The following MYH15 variants were observed in gnomAD, a reference collection of about 807,000 sequenced individuals.
The protein encoded by MYH15 is myosin heavy chain 15.
A neutral mutation model predicts 240.5 loss-of-function variants in MYH15; 227 were observed. That is an observed-to-expected ratio of 0.94 (90% CI 0.85 to 1.05). MYH15 has a LOEUF of 1.05. Ranked by LOEUF, MYH15 falls within the 50% of genes least tolerant of loss-of-function variation. The probability of loss-of-function intolerance (pLI) is 0.00; values close to 1 mark genes in which losing one functional copy is unlikely to be tolerated. For missense variants in MYH15, 2,217 were observed against 2,247.5 expected (o/e 0.99, Z 0.27); for synonymous variants, 785 against 796.7 (o/e 0.99, Z 0.25).
chr3:108,531,613 C>T (rs2083710692), upstream of MYH15, among the ~76,000 whole-genome samples: 1 of 151,850 alleles, frequency 6.6e-6, no homozygotes, highest in Non-Finnish European at 1.5e-5. Context: ...CCTGTCTCTA[C>T]TAAAAAATAC....
chr3:108,468,448 A>G (rs1176364416), intron 14 of MYH15, among the ~76,000 whole-genome samples: 1 of 152,228 alleles, frequency 6.6e-6, no homozygotes, highest in East Asian at 1.9e-4. Flanking sequence ...TTTGATCATT[A>G]ATATTTGCTA....
intron 31 of MYH15, among the ~76,000 whole-genome samples, chr3:108,408,641 T>G (rs1225662919): frequency 6.6e-6 from 1 of 152,236 alleles, no homozygotes; most frequent in Non-Finnish European, 1.5e-5. Context: ...GGGTGGTGCT[T>G]CAGAGTATTG....
chr3:108,449,214 T>C (rs2082952782), intron 21 of MYH15, among the ~76,000 whole-genome samples: 1 of 151,986 alleles, frequency 6.6e-6, no homozygotes, highest in Non-Finnish European at 1.5e-5. Flanking sequence ...CTTTTAAAAT[T>C]CCAATGGCAT....
chr3:108,458,641 G>C (rs1319625249), intron 18 of MYH15, among the ~76,000 whole-genome samples: 1 of 152,030 alleles, frequency 6.6e-6, no homozygotes, highest in Non-Finnish European at 1.5e-5. Flanking sequence ...CCAAGCTCCA[G>C]AGGGGCCAGT....
intron 34 of MYH15, 77 bp from the exon 35 acceptor site, chr3:108,398,917 C>A: frequency 6.7e-7 from 1 of 1,487,582 alleles, no homozygotes; most frequent in Non-Finnish European, 9.4e-7. Context: ...CATGCATGAT[C>A]TGACTATATA....
rs552248793 is a variant in MYH15, at chr3:108,521,873, T to C, written c.-58+7390A>G. On this transcript the variant is annotated intron_variant, in intron 1 of 41. Transcript: ENST00000273353. ...TTGGCCTTTGGGAGACTGCAAACCA[T>C]TTTCAGGTGTGCTTGGGGCCTGAGT... 5.3e-5 allele frequency among the ~76,000 whole-genome samples: 8 copies of C among 152,236 alleles called. No homozygotes were observed. The East Asian group carries it at 1.2e-3, about 22-fold the overall frequency.
At chr3:108,547,687 T>C in the MYH15 span, among the ~76,000 whole-genome samples, 4 of 152,176 alleles carry the variant, frequency 2.6e-5, no homozygotes, top group African/African-American at 4.8e-5. Flanking sequence ...GTGAATGATA[T>C]GGGTGATGTC....
At chr3:108,480,697 A>G (rs960459091) in intron 11 of MYH15, among the ~76,000 whole-genome samples, 1 of 152,214 alleles carries the variant, frequency 6.6e-6, no homozygotes, top group Non-Finnish European at 1.5e-5. Flanking sequence ...AGAAGTAGAA[A>G]GAAGAACAAT....
chr3:108,452,990 G>A (rs1278346953), intron 21 of MYH15, among the ~76,000 whole-genome samples: 1 of 152,054 alleles, frequency 6.6e-6, no homozygotes, highest in Non-Finnish European at 1.5e-5. Context: ...GTTAAGAATT[G>A]ATATATCTTC....
chr3:108,543,384 G>T, the MYH15 span: 2 of 152,156 alleles, frequency 1.3e-5, no homozygotes, highest in African/African-American at 4.8e-5. Flanking sequence ...CTTCTCCTTG[G>T]TGATGACTCT....
In MYH15 at chr3:108,495,789, G is replaced by A; in HGVS notation, c.702C>T (p.Ser234=). 1 of 1,609,822 alleles carries A rather than the reference G, an allele frequency of 6.2e-7. No homozygotes were observed. The highest frequency in any genetic ancestry group is 8.5e-7 in the Non-Finnish European group (1 of 1,177,516). ...GNAKTLRNDN[S]SRFGKFIRMH... is the part of the protein sequence containing the mutation. ...AAATCATGTTACTTACAAAACGAGA[G>A]GAGTTGTCATTTCTCAGGGTTTTAG... Residue 234 remains serine, a synonymous_variant, in exon 7 of 41, where the codon TCC becomes TCT. Coordinates refer to ENST00000693548, the MANE Select transcript of MYH15 (RefSeq NM_014981.3).
chr3:108,406,767 C>T (rs936266), intron 32 of MYH15, among the ~76,000 whole-genome samples: 32,839 of 152,094 alleles, frequency 0.22, 4,031 homozygotes, highest in Middle Eastern at 0.3. Flanking sequence ...AATGTGTTGC[C>T]ATCTAGTGGT....
chr3:108,453,003 G>C (rs1443422003), intron 21 of MYH15, among the ~76,000 whole-genome samples: 4 of 152,144 alleles, frequency 2.6e-5, no homozygotes, highest in African/African-American at 9.7e-5. Context: ...ATATCTTCAT[G>C]ATGGCTCCAT....
the MYH15 span, among the ~76,000 whole-genome samples, chr3:108,536,102 T>C: frequency 3.9e-5 from 6 of 152,052 alleles, no homozygotes; most frequent in Admixed American, 2.0e-4. Flanking sequence ...ACCCCATTTC[T>C]AAAAATGCAA....
intron 3 of MYH15, among the ~76,000 whole-genome samples, chr3:108,501,337 C>T (rs2083436553): frequency 6.6e-6 from 1 of 152,178 alleles, no homozygotes; most frequent in Admixed American, 6.5e-5. Flanking sequence ...CATTGAACTA[C>T]GTGCTTTACC....
chr3:108,489,576 G>A (rs777682269), intron 9 of MYH15, among the ~76,000 whole-genome samples: 48 of 152,224 alleles, frequency 3.2e-4, no homozygotes, highest in Admixed American at 2.0e-3. Flanking sequence ...GCCATGTAGA[G>A]GTCAAATAGG....
At chr3:108,531,603 C>T (rs1043687679), upstream of MYH15, among the ~76,000 whole-genome samples, 4 of 151,890 alleles carry the variant, frequency 2.6e-5, no homozygotes, top group East Asian at 5.8e-4. Context: ...ATGGTGAAAC[C>T]CTGTCTCTAC....
chr3:108,549,389 A>C, the MYH15 span, among the ~76,000 whole-genome samples: 1 of 152,002 alleles, frequency 6.6e-6, no homozygotes, highest in African/African-American at 2.4e-5. Flanking sequence ...GAAAGAGATG[A>C]AGGATGATGA....
intron 2 of MYH15, among the ~76,000 whole-genome samples, chr3:108,504,325 T>G (rs2083458276): frequency 6.6e-6 from 1 of 152,216 alleles, no homozygotes; most frequent in Admixed American, 6.5e-5. Context: ...TATGTTCCAG[T>G]TAAAAAGCAC....
Sources: allele counts gnomAD v4.1 joint callset (sites outside exome capture counted in the v4.1 genomes callset), GRCh38; gene constraint gnomAD v4.1.1; transcripts MANE v1.5; gene names NCBI Gene and HGNC (gene_info 2026-07-23, HGNC 2026-07-21).